SGK1: variants seen among roughly 807,000 people sequenced by gnomAD.
SGK1 encodes the protein serine/threonine-protein kinase Sgk1.
SGK1 carries 26 observed loss-of-function variants against 64.2 expected under a neutral mutation model. The ratio of observed to expected loss-of-function variants is 0.40; its 90% CI spans 0.30 to 0.56. The LOEUF (loss-of-function observed/expected upper bound fraction) is 0.56. Among genes scored for constraint, SGK1 ranks in the 20% least tolerant of loss-of-function variants. The pLI, the probability that SGK1 is intolerant of heterozygous loss-of-function variation, is 0.38. For missense variants in SGK1, 519 were observed against 645.6 expected, an observed-to-expected ratio of 0.80 and a Z score of 2.12; for synonymous variants, 265 against 239.7, an observed-to-expected ratio of 1.11 and a Z score of -0.98.
rs372826677 is a variant in SGK1, at chr6:134,284,161, C to T, written c.70-22013G>A. 5.9e-5 allele frequency among the ~76,000 whole-genome samples: 9 copies of T among 152,216 alleles called. No individual in the cohort carries two copies. In the South Asian group the frequency reaches 1.7e-3, roughly 28 times the overall value. On this transcript the variant is annotated intron_variant, in intron 1 of 13. Transcript: ENST00000367858. ...AGGCTGCAGTGCAGTGGCTCAATCT[C>T]AGCTCACTGCAACCTCTGCCTCCCA...
chr6:134,237,129 A>C (rs1238202166), intron 2 of SGK1, among the ~76,000 whole-genome samples: 1 of 145,788 alleles, frequency 6.9e-6, no homozygotes, highest in Non-Finnish European at 1.5e-5. Flanking sequence ...ATCTCAGCTC[A>C]CTGCAACCTC....
intron 3 of SGK1, among the ~76,000 whole-genome samples, chr6:134,183,022 T>C (rs1775355234): frequency 6.6e-6 from 1 of 152,164 alleles, no homozygotes; most frequent in Non-Finnish European, 1.5e-5. Flanking sequence ...TGAAAGAAGA[T>C]CAGAGGCCAG....
chr6:134,307,149 G>A (rs1211416215), intron 1 of SGK1, among the ~76,000 whole-genome samples: 1 of 152,168 alleles, frequency 6.6e-6, no homozygotes, highest in Non-Finnish European at 1.5e-5. Context: ...TCAATTGCCT[G>A]ATTTAATGTG....
At chr6:134,268,177 G>C (rs1374830919) in intron 1 of SGK1, among the ~76,000 whole-genome samples, 2 of 152,158 alleles carry the variant, frequency 1.3e-5, no homozygotes, top group East Asian at 3.9e-4. Flanking sequence ...TGTTTCCTCA[G>C]GCTGCGGATT....
intron 1 of SGK1, among the ~76,000 whole-genome samples, chr6:134,288,291 A>C (rs1777215777): frequency 6.6e-6 from 1 of 152,190 alleles, no homozygotes; most frequent in Non-Finnish European, 1.5e-5. Context: ...TGAATGTAAA[A>C]CATTCAGAGA....
At chr6:134,301,724 G>GGGA (rs1777461292) in intron 1 of SGK1, among the ~76,000 whole-genome samples, 1 of 152,028 alleles carries the variant, frequency 6.6e-6, no homozygotes, top group African/African-American at 2.4e-5. Flanking sequence ...CCGAGTAACT[G>GGGA]GGAATACAGG....
At chr6:134,273,489 A>G (rs530025723) in intron 1 of SGK1, among the ~76,000 whole-genome samples, 21 of 143,972 alleles carry the variant, frequency 1.5e-4, no homozygotes, top group Admixed American at 2.9e-4. Flanking sequence ...GCTACTTGGG[A>G]GGCTGAGGCA....
chr6:134,204,157 C>CAAT lies in SGK1; in HGVS notation c.361+3196_361+3198dup, dbSNP rs567638039. Among the ~76,000 whole-genome samples the CAAT allele has an allele frequency of 4.8e-3, 721 of 150,824 alleles. 3 individuals carry two copies. Among genetic ancestry groups the CAAT allele is most frequent in the Admixed American group, 0.013 (191 of 15,118 alleles). ...TGACTGAATTAAAAGAACCAAAAGACAATTCTACCACTAGAGGTGGAGATT... is the reference window on the plus strand; with the variant it reads ...TGACTGAATTAAAAGAACCAAAAGACAATAATTCTACCACTAGAGGTGGAGATT... On this transcript the variant is annotated intron_variant, in intron 3 of 13. Transcript: ENST00000367858.
rs543590699 is a variant in SGK1 at position 134,213,092 on chromosome 6, C to T, written c.286-5661G>A. On this transcript the variant is annotated intron_variant, in intron 2 of 13. Transcript: ENST00000367858. ...ACCAAAGCATCCGCGGCAAATTACC[C>T]GGAGAGCTCATATAGTAAATTTTAA... Among the ~76,000 whole-genome samples the T allele has an allele frequency of 2.0e-5, 3 of 152,244 alleles. No homozygotes were observed. The South Asian group carries it at 6.2e-4, about 32-fold the overall frequency.
intron 1 of SGK1, 113 bp downstream of exon 1, chr6:134,317,279 A>G (rs1011898893): frequency 5.2e-6 from 4 of 771,096 alleles, no homozygotes; most frequent in Non-Finnish European, 9.4e-6. Context: ...CATCAGAAGC[A>G]CGGCTTACAT....
chr6:134,212,854 A>G (rs902184299), intron 2 of SGK1, among the ~76,000 whole-genome samples: 2 of 152,226 alleles, frequency 1.3e-5, no homozygotes, highest in Non-Finnish European at 2.9e-5. Flanking sequence ...TTCTTTCTGC[A>G]TTAAGCTCCA....
chr6:134,183,587 T>C (rs1775365582), intron 3 of SGK1, among the ~76,000 whole-genome samples: 1 of 152,224 alleles, frequency 6.6e-6, no homozygotes. Context: ...TATAGACATT[T>C]CTGATTTTCC....
intron 1 of SGK1, among the ~76,000 whole-genome samples, chr6:134,309,042 C>A (rs79479100): frequency 0.051 from 7,796 of 152,136 alleles, 462 homozygotes; most frequent in East Asian, 0.27. Flanking sequence ...GAAAAAGAGG[C>A]CAAGGTTACC....
Position 134,301,197 on chromosome 6 carries a change from A to C in SGK1, c.69+16195T>G, listed in dbSNP as rs149202528. 2.0e-3 allele frequency among the ~76,000 whole-genome samples: 305 copies of C among 152,334 alleles called. No homozygotes were observed. The Middle Eastern group carries it at 0.034, about 17-fold the overall frequency. On this transcript the variant is annotated intron_variant, in intron 1 of 13. Transcript: ENST00000367858. ...CAGAGGTCTGGCATTCAGGCAACTA[A>C]GTTTCTGAATAACAGATTACATTTA...
chr6:134,310,402 C>T (rs1777592456), intron 1 of SGK1, among the ~76,000 whole-genome samples: 1 of 152,166 alleles, frequency 6.6e-6, no homozygotes, highest in Non-Finnish European at 1.5e-5. Flanking sequence ...ACTGCCAAAC[C>T]TAGACTGCTG....
chr6:134,268,722 C>CAAAAAA lies in SGK1; in HGVS notation c.70-6580_70-6575dup, dbSNP rs559703087. Among the ~76,000 whole-genome samples, 107 of 72,364 alleles carry CAAAAAA rather than the reference C, an allele frequency of 1.5e-3. 1 individual carries two copies. The highest frequency in any genetic ancestry group is 4.9e-3 in the African/African-American group (105 of 21,638). The allele number at this position is 72,364 out of a possible 152,430, so 47.5% of individuals were successfully genotyped here. A position where few individuals can be genotyped will look rare whatever the true frequency, so the allele number is the denominator to read the frequency against. On this transcript the variant is annotated intron_variant, in intron 1 of 13. Coordinates refer to ENST00000367858, the MANE Select transcript of SGK1 (RefSeq NM_001143676.3). The stretch of plus-strand genomic sequence containing the variant: ...TGGGCGACAGAGCGAGACTCTGTCT[C>CAAAAAA]AAAAAAAAAAAAAAAAAAAATTCCC...
intron 2 of SGK1, among the ~76,000 whole-genome samples, chr6:134,211,801 G>A (rs1314155433): frequency 6.7e-6 from 1 of 149,956 alleles, no homozygotes; most frequent in Non-Finnish European, 1.5e-5. Context: ...TTGAACCCGG[G>A]AGACTGAGGT....
rs1456084825 is a variant in SGK1 at position 134,175,794 on chromosome 6, T to G, written c.362-1208A>C. The G allele has an allele frequency of 1.7e-5, 22 of 1,322,046 alleles. No homozygotes were observed. The South Asian group carries it at 4.0e-4, about 24-fold the overall frequency. The allele number at this position is 1,322,046 out of a possible 1,614,324, so 81.9% of individuals were successfully genotyped here. A position where few individuals can be genotyped will look rare whatever the true frequency, so the allele number is the denominator to read the frequency against. On this transcript the variant is annotated intron_variant, in intron 3 of 13. Coordinates refer to ENST00000367858, the MANE Select transcript of SGK1 (RefSeq NM_001143676.3). ...TCCCAAAACAAACAAATGGCCCTTG[T>G]GCACGGTCGGGTCGCTTCCGAAAAC...
intron 2 of SGK1, among the ~76,000 whole-genome samples, chr6:134,242,091 G>A (rs1165042547): frequency 6.6e-6 from 1 of 152,220 alleles, no homozygotes; most frequent in Non-Finnish European, 1.5e-5. Context: ...AGACAAGTGA[G>A]GTTAAAACTG....
Sources: allele counts gnomAD v4.1 joint callset (sites outside exome capture counted in the v4.1 genomes callset), GRCh38; gene constraint gnomAD v4.1.1; transcripts MANE v1.5; gene names NCBI Gene and HGNC (gene_info 2026-07-23, HGNC 2026-07-21).